The following MYH9 variants were observed in gnomAD, a reference collection of about 807,000 sequenced individuals.
The protein encoded by MYH9 is myosin heavy chain 9.
Under a neutral mutation model 241.9 loss-of-function variants are expected in MYH9, and 29 were observed. That is an observed-to-expected ratio of 0.12 (90% CI 0.09 to 0.16). The LOEUF (loss-of-function observed/expected upper bound fraction) is 0.16. Among genes scored for constraint, MYH9 ranks in the 10% least tolerant of loss-of-function variants. The pLI is 1.00. For synonymous variants in MYH9, 1,047 were observed against 1,062.6 expected (o/e 0.99, Z 0.29); for missense variants, 1,803 against 2,595.5 (o/e 0.69, Z 6.63).
At position 36,316,504 on chromosome 22, in the gene MYH9, G is replaced by A. The variant is rs192020065; in HGVS notation, c.1380+13C>T. 13 of 1,614,078 alleles carry A rather than the reference G, an allele frequency of 8.1e-6. No individual in the cohort carries two copies. The African/African-American group carries it at 1.7e-4, about 22-fold the overall frequency. On this transcript the variant is annotated intron_variant, in intron 12 of 40. Transcript: ENST00000216181. ...AGGAGGCAGCAGGGTGGGTAATGAAGGGCAAGGCTCACATCAAAGATCTCG... is the reference window on the plus strand; with the variant it reads ...AGGAGGCAGCAGGGTGGGTAATGAAAGGCAAGGCTCACATCAAAGATCTCG...
chr22:36,300,870 T>A lies in MYH9; in HGVS notation c.2819A>T (p.Lys940Met), dbSNP rs755311538. ...RCQHLQAEKK[K>M]MQQNIQELEE... ...AGGAACCTGGATGTTCTGCTGCATC[T>A]TCTTCTTCTCCGCCTGCAGGTGCTG... The change falls in exon 22 of 41, where the codon AAG (lysine) becomes ATG (methionine). Residue 940 changes from lysine to methionine, a missense_variant. Transcript: ENST00000216181. This position sits in a 1 kb window ranked among gnomAD's most constrained non-coding sequence, Gnocchi z 5.0. 1.9e-6 allele frequency: 3 copies of A among 1,602,396 alleles called. No homozygotes were observed. Among genetic ancestry groups the A allele is most frequent in the Admixed American group, 1.7e-5 (1 of 60,026 alleles).
chr22:36,287,610 C>T (rs1239153689), intron 34 of MYH9, among the ~76,000 whole-genome samples: 3 of 152,272 alleles, frequency 2.0e-5, no homozygotes, highest in Non-Finnish European at 4.4e-5. Flanking sequence ...GGCGTGGCGG[C>T]GTGCGCCTGT....
At chr22:36,335,771 G>A (rs886347125) in intron 3 of MYH9, among the ~76,000 whole-genome samples, 1 of 152,212 alleles carries the variant, frequency 6.6e-6, no homozygotes, top group African/African-American at 2.4e-5. Context: ...CCTGTGCCAG[G>A]GTAACAGGCA....
intron 4 of MYH9, 76 bp from the exon 5 acceptor site, chr22:36,326,737 T>A: frequency 8.1e-7 from 1 of 1,241,994 alleles, no homozygotes; most frequent in Non-Finnish European, 1.2e-6. Context: ...CACTGCACGC[T>A]CCACTGCCTC....
At chr22:36,384,746 T>C (rs1398573903) in intron 1 of MYH9, among the ~76,000 whole-genome samples, 2 of 150,122 alleles carry the variant, frequency 1.3e-5, no homozygotes, top group African/African-American at 4.9e-5. Flanking sequence ...ATATTATACA[T>C]AAGCACATCC....
chr22:36,284,985 C>T, intron 38 of MYH9, 136 bp downstream of exon 38: 1 of 785,706 alleles, frequency 1.3e-6, no homozygotes, highest in Non-Finnish European at 2.1e-6. Context: ...GGGATGAGGG[C>T]CCCATCAGGA....
intron 5 of MYH9, among the ~76,000 whole-genome samples, chr22:36,325,481 A>G (rs557498633): frequency 1.3e-5 from 2 of 152,350 alleles, no homozygotes; most frequent in African/African-American, 4.8e-5. Context: ...TAGCTTTCAC[A>G]GGGGAGGTTA....
At position 36,351,960 on chromosome 22, in the gene MYH9, G is replaced by A. The variant is rs957407186; in HGVS notation, c.-19-2705C>T. Among the ~76,000 whole-genome samples the A allele has an allele frequency of 2.0e-5, 3 of 151,922 alleles. 1 individual carries two copies. The highest frequency in any genetic ancestry group is 1.3e-4 in the Admixed American group (2 of 15,246). On this transcript the variant is annotated intron_variant, in intron 1 of 40. Coordinates refer to ENST00000216181, the MANE Select transcript of MYH9 (RefSeq NM_002473.6). ...AGTTTATTCACCACCTCACCTAACT[G>A]GCAACCATCCTGGGAAAGAGCTGTC...
chr22:36,331,943 A>G (rs1008003901), intron 3 of MYH9, among the ~76,000 whole-genome samples: 1 of 152,216 alleles, frequency 6.6e-6, no homozygotes, highest in African/African-American at 2.4e-5. Context: ...AAAACTTTCC[A>G]CCACCAGGGA....
chr22:36,301,411 A>G, intron 21 of MYH9, 123 bp downstream of exon 21: 1 of 1,326,420 alleles, frequency 7.5e-7, no homozygotes, highest in Non-Finnish European at 1.1e-6. Flanking sequence ...AGTAATAGGA[A>G]ACTCAGTTGT....
intron 1 of MYH9, among the ~76,000 whole-genome samples, chr22:36,368,955 T>C (rs1253143911): frequency 6.6e-6 from 1 of 152,076 alleles, no homozygotes; most frequent in African/African-American, 2.4e-5. Context: ...CTAAGGGTCA[T>C]TAAAGCCTGT....
rs1055387621 is a variant in MYH9 at position 36,320,104 on chromosome 22, C to T, written c.1012+116G>A. ...TTTTCCCATACACTGAAGGCCTTCC[C>T]CTTCCCCTGGCCTCTAGCAGGCTCC... On this transcript the variant is annotated intron_variant, in intron 9 of 40. Coordinates refer to ENST00000216181, the MANE Select transcript of MYH9 (RefSeq NM_002473.6). The surrounding 1 kb of genome is among the most constrained non-coding windows in gnomAD (Gnocchi z 4.8). 1.4e-6 allele frequency: 2 copies of T among 1,438,732 alleles called. No individual in the cohort carries two copies. Among genetic ancestry groups the T allele is most frequent in the Non-Finnish European group, 1.9e-6 (2 of 1,032,432 alleles). The allele number at this position is 1,438,732 out of a possible 1,614,324, so 89.1% of individuals were successfully genotyped here.
Position 36,288,621 on chromosome 22 carries a change from G to C in MYH9, c.4770+106C>G. ...AAAGAAGGAATATGGGAGGGGAGGCGTGGTCAAGGGGCCCTAACACAATCC... is the reference window on the plus strand; with the variant it reads ...AAAGAAGGAATATGGGAGGGGAGGCCTGGTCAAGGGGCCCTAACACAATCC... On this transcript the variant is annotated intron_variant, in intron 33 of 40. Transcript: ENST00000216181. This position sits in a 1 kb window ranked among gnomAD's most constrained non-coding sequence, Gnocchi z 4.8. The C allele has an allele frequency of 1.4e-6, 2 of 1,414,878 alleles. No individual in the cohort carries two copies. The highest frequency in any genetic ancestry group is 2.3e-5 in the South Asian group (2 of 86,694). The allele number at this position is 1,414,878 out of a possible 1,614,324, so 87.6% of individuals were successfully genotyped here.
chr22:36,286,857 G>A lies in MYH9; in HGVS notation c.4933-11C>T. 6.2e-7 allele frequency: 1 copy of A among 1,604,902 alleles called. No homozygotes were observed. Among genetic ancestry groups the A allele is most frequent in the Non-Finnish European group, 8.5e-7 (1 of 1,179,972 alleles). On this transcript the variant is annotated splice_polypyrimidine_tract_variant and intron_variant, in intron 34 of 40. Transcript: ENST00000216181. ...GTCCTTCATCTGGGCCTGGGGTGGG[G>A]ACAGAGGCTTGGCACCCCACCCAGC...
chr22:36,311,753 C>A, intron 14 of MYH9, among the ~76,000 whole-genome samples: 1 of 152,218 alleles, frequency 6.6e-6, no homozygotes, highest in East Asian at 1.9e-4. Flanking sequence ...ATGCCTTTAG[C>A]CAAAGCTCTG....
intron 40 of MYH9, 117 bp downstream of exon 40, chr22:36,283,976 C>T: frequency 7.9e-7 from 1 of 1,273,874 alleles, no homozygotes; most frequent in Non-Finnish European, 1.1e-6. Context: ...GCAGGGATTG[C>T]TTTGTGCAGT....
intron 1 of MYH9, among the ~76,000 whole-genome samples, chr22:36,354,740 G>A (rs879418581): frequency 1.2e-4 from 18 of 151,904 alleles, no homozygotes; most frequent in African/African-American, 1.9e-4. Flanking sequence ...CACCGCACCC[G>A]GCCGTAGTGT....
At chr22:36,343,641 T>G (rs927989740) in intron 2 of MYH9, among the ~76,000 whole-genome samples, 1 of 152,110 alleles carries the variant, frequency 6.6e-6, no homozygotes, top group Non-Finnish European at 1.5e-5. Flanking sequence ...TTGATTTCCT[T>G]TCTTCCTGGG....
intron 12 of MYH9, 45 bp downstream of exon 12, chr22:36,316,472 C>G: frequency 6.2e-7 from 1 of 1,613,772 alleles, no homozygotes; most frequent in South Asian, 1.1e-5. Flanking sequence ...AGGCAACCAA[C>G]AGGCCAAGGA....
Sources: allele counts gnomAD v4.1 joint callset (sites outside exome capture counted in the v4.1 genomes callset), GRCh38; gene constraint gnomAD v4.1.1; non-coding constraint Gnocchi (gnomAD v3.1); transcripts MANE v1.5; gene names NCBI Gene and HGNC (gene_info 2026-07-23, HGNC 2026-07-21).